The following NELFB variants were observed in gnomAD, a reference collection of about 807,000 sequenced individuals.
The protein encoded by NELFB is negative elongation factor B.
A neutral mutation model predicts 60.2 loss-of-function variants in NELFB; 34 were observed. That is an observed-to-expected ratio of 0.56 (90% confidence interval 0.43 to 0.75). The LOEUF (loss-of-function observed/expected upper bound fraction) is 0.75, where lower values mean the gene tolerates loss of function less well. Ranked by LOEUF, NELFB falls within the 30% of genes least tolerant of loss-of-function variation. The pLI, the probability that NELFB is intolerant of heterozygous loss-of-function variation, is 0.00. For synonymous variants in NELFB, 459 were observed against 382.1 expected, an observed-to-expected ratio of 1.20 and a Z score of -2.35; for missense variants, 770 against 831.6, an observed-to-expected ratio of 0.93 and a Z score of 0.91.
chr9:137,257,838 T>A (rs1369656934), intron 4 of NELFB, among the ~76,000 whole-genome samples: 1 of 147,560 alleles, frequency 6.8e-6, no homozygotes, highest in Non-Finnish European at 1.5e-5. Context: ...AGACAGGGTC[T>A]CACTCTGTTG....
At chr9:137,272,749 G>A (rs1404726458) in intron 12 of NELFB, 33 bp from the exon 13 acceptor site, 19 of 1,524,024 alleles carry the variant, frequency 1.2e-5, no homozygotes, top group African/African-American at 2.8e-5. Context: ...CTGCCCATGC[G>A]CCTCGCCTGC....
Position 137,261,508 on chromosome 9 carries a change from A to G in NELFB, c.742-1529A>G, listed in dbSNP as rs538723454. Among the ~76,000 whole-genome samples the G allele has an allele frequency of 3.9e-5, 6 of 152,124 alleles. No individual in the cohort carries two copies. The South Asian group carries it at 1.2e-3, about 32-fold the overall frequency. On this transcript the variant is annotated intron_variant, in intron 4 of 12. Transcript: ENST00000343053. The stretch of plus-strand genomic sequence containing the variant: ...CCCCGTCTCTACTACAATACAAAAA[A>G]TTAGCCAGTCATGGCAGCCGGCGCC...
intron 4 of NELFB, among the ~76,000 whole-genome samples, chr9:137,261,863 T>C (rs760131566): frequency 6.6e-6 from 1 of 151,418 alleles, no homozygotes; most frequent in African/African-American, 2.4e-5. Flanking sequence ...CTGATATTTA[T>C]TGGATACAAG....
rs150171369 is a variant in NELFB, at chr9:137,264,113, TG to T, written c.928-130del. On this transcript the variant is annotated intron_variant, in intron 5 of 12. Transcript: ENST00000343053. ...GGGAACACTGCACCGTCAGGATGAC[TG>T]GTGCCTGCTGCCGCCCCCCGCAGCA... 554 of 656,192 alleles carry T rather than the reference TG, an allele frequency of 8.4e-4. 2 individuals carry two copies. The African/African-American group carries it at 9.4e-3, about 11-fold the overall frequency. 40.6% of individuals were successfully genotyped at this position (656,192 alleles called of 1,614,324 possible).
chr9:137,273,139 C>A lies in NELFB; in HGVS notation c.*211C>A. 1 of 483,664 alleles carries A rather than the reference C, an allele frequency of 2.1e-6. No individual in the cohort carries two copies. Among genetic ancestry groups the A allele is most frequent in the Non-Finnish European group, 3.6e-6 (1 of 277,888 alleles). 30.0% of individuals were successfully genotyped at this position (483,664 alleles called of 1,614,324 possible). A position where few individuals can be genotyped will look rare whatever the true frequency, so the allele number is the denominator to read the frequency against. On this transcript the variant is annotated 3_prime_UTR_variant, in exon 13 of 13. Transcript: ENST00000343053. Reference sequence around the variant, plus strand: ...CCATGCAGTGGCTCCCAGGGCAGAGCCTCTCCTTGTACTTTGGCAGCCATA... The same window carrying A: ...CCATGCAGTGGCTCCCAGGGCAGAGACTCTCCTTGTACTTTGGCAGCCATA...
intron 5 of NELFB, 94 bp downstream of exon 5, chr9:137,263,316 CCCCCACTG>C: frequency 8.7e-7 from 1 of 1,153,708 alleles, no homozygotes; most frequent in Non-Finnish European, 1.2e-6. Context: ...CTCCCTCCTT[CCCCCACTG>C]CCCTCCTGAA....
chr9:137,271,969 G>T, intron 10 of NELFB, 112 bp from the exon 11 acceptor site: 1 of 1,384,032 alleles, frequency 7.2e-7, no homozygotes. Flanking sequence ...GAACAACTGA[G>T]AACTCTCATG....
intron 2 of NELFB, 71 bp from the exon 3 acceptor site, chr9:137,256,258 G>GT (rs1321329323): frequency 1.4e-5 from 21 of 1,481,246 alleles, no homozygotes; most frequent in Non-Finnish European, 1.5e-5. Context: ...GCTGTTATCT[G>GT]TGTAGGGACA....
Position 137,261,123 on chromosome 9 carries a change from A to T in NELFB, c.742-1914A>T, listed in dbSNP as rs544872644. On this transcript the variant is annotated intron_variant, in intron 4 of 12. Transcript: ENST00000343053. ...TTTGGGAGGCCGAGGCGGGTGGATC[A>T]TGAGGTCAGGAGATCGAGACCATCC... is the stretch of plus-strand genomic sequence containing the variant. 5.0e-3 allele frequency among the ~76,000 whole-genome samples: 761 copies of T among 151,392 alleles called. 3 individuals carry two copies. The highest frequency in any genetic ancestry group is 0.024 in the Middle Eastern group (7 of 290).
intron 1 of NELFB, 63 bp downstream of exon 1, chr9:137,255,674 G>T: frequency 6.7e-7 from 1 of 1,490,054 alleles, no homozygotes; most frequent in South Asian, 1.2e-5. Flanking sequence ...CTCGGGAGTC[G>T]GGCCTGGCGG....
intron 1 of NELFB, 55 bp downstream of exon 1, chr9:137,255,666 C>T: frequency 6.7e-7 from 1 of 1,503,048 alleles, no homozygotes; most frequent in Non-Finnish European, 8.9e-7. Context: ...GCCGCCTGCT[C>T]GGGAGTCGGG....
chr9:137,255,997 G>T lies in NELFB; in HGVS notation c.337G>T (p.Val113Leu). Residue 113 changes from valine to leucine, a missense_variant, in exon 2 of 13, where the codon GTA (valine) becomes TTA (leucine). Val to Leu is a conservative substitution (Grantham distance 32, BLOSUM62 1). Transcript: ENST00000343053. ...GCCGCGGCTGGAGTTCCACCAGTCG[G>T]TATTCGATGAGCTGCGGGACAAGCT... 3 of 1,613,934 alleles carry T rather than the reference G, an allele frequency of 1.9e-6. No homozygotes were observed. Among genetic ancestry groups the T allele is most frequent in the Non-Finnish European group, 2.5e-6 (3 of 1,180,014 alleles).
chr9:137,257,075 C>T (rs761211086), intron 4 of NELFB, 21 bp downstream of exon 4: 15 of 1,596,732 alleles, frequency 9.4e-6, no homozygotes, highest in African/African-American at 2.7e-5. Context: ...AGGCCGTGTG[C>T]GGGGTGGGGC....
rs1215852422 is a variant in NELFB at position 137,265,944 on chromosome 9, C to T, written c.1108C>T (p.Leu370=). The T allele has an allele frequency of 6.2e-7, 1 of 1,613,110 alleles. No homozygotes were observed. The highest frequency in any genetic ancestry group is 8.5e-7 in the Non-Finnish European group (1 of 1,179,900). Residue 370 remains leucine, a synonymous_variant, in exon 7 of 13, where the codon CTG becomes TTG. Coordinates refer to ENST00000343053, the MANE Select transcript of NELFB (RefSeq NM_015456.5). ...GCTGGCACTGAGCACAGTCAGGCAC[C>T]TGCAGGAGCTGGTCGGCCAGGAGAC... is the stretch of plus-strand genomic sequence containing the variant.
At position 137,255,574 on chromosome 9, in the gene NELFB, A is replaced by G. The variant is rs1837537014; in HGVS notation, c.209A>G (p.Asn70Ser). 7 of 1,549,886 alleles carry G rather than the reference A, an allele frequency of 4.5e-6. No homozygotes were observed. Among genetic ancestry groups the G allele is most frequent in the Admixed American group, 2.0e-5 (1 of 51,082 alleles). ...GAGGACCTGAAGGAGACCCTGACCA[A>G]CTGCACGGAGCCGCTCAAGGCCATC... Residue 70 changes from asparagine to serine, a missense_variant, in exon 1 of 13, where the codon AAC (asparagine) becomes AGC (serine). Physicochemically the swap from Asn to Ser is conservative, Grantham distance 46. Transcript: ENST00000343053.
chr9:137,272,336 T>C (rs961312880), intron 11 of NELFB, 114 bp downstream of exon 11: 4 of 1,528,980 alleles, frequency 2.6e-6, no homozygotes, highest in Non-Finnish European at 1.8e-6. Flanking sequence ...GGTGGGTCTG[T>C]TGGGCACCAG....
At position 137,255,371 on chromosome 9, in the gene NELFB, C is replaced by G; in HGVS notation, c.6C>G (p.Ala2=). 1 of 554,684 alleles carries G rather than the reference C, an allele frequency of 1.8e-6. No homozygotes were observed. 34.4% of individuals were successfully genotyped at this position (554,684 alleles called of 1,614,324 possible). Residue 2 remains alanine, a synonymous_variant, in exon 1 of 13, where the codon GCC becomes GCG. Transcript: ENST00000343053. ...AGTCGCGCGGCGGGCGGGACCTGGC[C>G]GAGCTGGAGGGCGCCGGGGAGCGGG...
chr9:137,264,772 G>C (rs11560802), intron 6 of NELFB, among the ~76,000 whole-genome samples: 1 of 151,902 alleles, frequency 6.6e-6, no homozygotes, highest in Non-Finnish European at 1.5e-5. Flanking sequence ...TGGCCTCCTG[G>C]ATGTTTCAAT....
At chr9:137,266,908 G>C (rs1212125352) in intron 8 of NELFB, 36 bp from the exon 9 acceptor site, 1 of 1,608,494 alleles carries the variant, frequency 6.2e-7, no homozygotes, top group African/African-American at 1.3e-5. Flanking sequence ...GGCAGGGCCC[G>C]GGCCCGCGCC....
Sources: allele counts gnomAD v4.1 joint callset (sites outside exome capture counted in the v4.1 genomes callset), GRCh38; gene constraint gnomAD v4.1.1; transcripts MANE v1.5; gene names NCBI Gene and HGNC (gene_info 2026-07-23, HGNC 2026-07-21).